The following CRIM1 variants were observed in gnomAD, a reference collection of about 807,000 sequenced individuals.
CRIM1 encodes the protein cysteine rich transmembrane BMP regulator 1, also known as cysteine-rich motor neuron 1 protein.
A neutral mutation model predicts 116.4 loss-of-function variants in CRIM1; 32 were observed. The ratio of observed to expected loss-of-function variants is 0.27; its 90% CI spans 0.21 to 0.37. The LOEUF is 0.37. Ranked by LOEUF, CRIM1 falls within the 10% of genes least tolerant of loss-of-function variation. The pLI is 1.00. For missense variants in CRIM1, 1,331 were observed against 1,354.8 expected (o/e 0.98, Z 0.28); for synonymous variants, 590 against 509.2 (o/e 1.16, Z -2.13).
intron 4 of CRIM1, among the ~76,000 whole-genome samples, chr2:36,460,623 G>A (rs553971310): frequency 3.7e-4 from 56 of 152,262 alleles, no homozygotes; most frequent in African/African-American, 1.2e-3. Context: ...TGCCTGGGGT[G>A]GCCTTTATGA....
intron 14 of CRIM1, among the ~76,000 whole-genome samples, chr2:36,539,923 G>T (rs1666831566): frequency 6.6e-6 from 1 of 152,114 alleles, no homozygotes. Context: ...CTAGTCTCAA[G>T]GTTTTTAAGC....
intron 2 of CRIM1, among the ~76,000 whole-genome samples, chr2:36,407,703 CAAAAA>C (rs10719018): frequency 1.0e-4 from 10 of 99,686 alleles, no homozygotes; most frequent in South Asian, 9.5e-4. Context: ...TTGTGCCCGT[CAAAAA>C]AAAAAAAAAA....
At chr2:36,387,457 A>G (rs553585397) in intron 1 of CRIM1, among the ~76,000 whole-genome samples, 1 of 152,312 alleles carries the variant, frequency 6.6e-6, no homozygotes, top group East Asian at 1.9e-4. Flanking sequence ...TTGCTTAATC[A>G]TGGCATGTGT....
In CRIM1 at chr2:36,550,026, T is replaced by C. The variant is rs1297419462; in HGVS notation, c.*1325T>C. The C allele has an allele frequency of 6.6e-6, 1 of 150,472 alleles. No homozygotes were observed. Among genetic ancestry groups the C allele is most frequent in the Non-Finnish European group, 1.5e-5 (1 of 67,778 alleles). 9.3% of individuals were successfully genotyped at this position (150,472 alleles called of 1,614,324 possible). On this transcript the variant is annotated 3_prime_UTR_variant, in exon 17 of 17. Coordinates refer to ENST00000280527, the MANE Select transcript of CRIM1 (RefSeq NM_016441.3). ...CCTGCAGTTTAATTGGAAAGATGTG[T>C]GTGTGAGAGTATGTATGTGTGTGTG...
At chr2:36,430,113 A>C (rs1381566365) in intron 2 of CRIM1, among the ~76,000 whole-genome samples, 4 of 152,196 alleles carry the variant, frequency 2.6e-5, no homozygotes, top group African/African-American at 9.6e-5. Flanking sequence ...CTCCGTATAC[A>C]CACTGTACTG....
intron 13 of CRIM1, among the ~76,000 whole-genome samples, chr2:36,535,432 T>C (rs1666478127): frequency 6.6e-6 from 1 of 152,208 alleles, no homozygotes; most frequent in Non-Finnish European, 1.5e-5. Context: ...TTTAGCCTAA[T>C]AACTAGTGTG....
At position 36,476,899 on chromosome 2, in the gene CRIM1, A is replaced by T; in HGVS notation, c.1002A>T (p.Pro334=). ...DVFECVNDTK[P]ACVFNNVEYY... Reference sequence around the variant, plus strand: ...TTTAACTCTTTTCAGATACAAAGCCAGCCTGCGTATTTAACAATGTGGAAT... The same window carrying T: ...TTTAACTCTTTTCAGATACAAAGCCTGCCTGCGTATTTAACAATGTGGAAT... The change falls in exon 6 of 17, where the codon CCA becomes CCT. Residue 334 remains proline (P), a synonymous_variant. Transcript: ENST00000280527. 6.2e-7 allele frequency: 1 copy of T among 1,612,216 alleles called. No homozygotes were observed.
intron 2 of CRIM1, among the ~76,000 whole-genome samples, chr2:36,429,033 C>T (rs1276206256): frequency 6.6e-6 from 1 of 152,142 alleles, no homozygotes; most frequent in Admixed American, 6.5e-5. Flanking sequence ...CTACTTTTCC[C>T]CTCTCCCACA....
intron 2 of CRIM1, among the ~76,000 whole-genome samples, chr2:36,424,422 G>A (rs949662555): frequency 1.3e-5 from 2 of 152,162 alleles, no homozygotes; most frequent in Non-Finnish European, 2.9e-5. Flanking sequence ...ATGTTGGGTG[G>A]TAGGTGGTAG....
chr2:36,375,346 T>G (rs1433062013), intron 1 of CRIM1, among the ~76,000 whole-genome samples: 1 of 152,250 alleles, frequency 6.6e-6, no homozygotes, highest in Non-Finnish European at 1.5e-5. Context: ...ACTCATATAA[T>G]GCAACTCATA....
intron 4 of CRIM1, among the ~76,000 whole-genome samples, chr2:36,446,690 CT>C (rs1427766903): frequency 1.3e-5 from 2 of 151,882 alleles, no homozygotes; most frequent in Non-Finnish European, 2.9e-5. Context: ...TCTTTTTATC[CT>C]TTTTTCTTCT....
chr2:36,502,755 C>T (rs1681088708), intron 8 of CRIM1, among the ~76,000 whole-genome samples: 1 of 152,208 alleles, frequency 6.6e-6, no homozygotes, highest in African/African-American at 2.4e-5. Context: ...CTTATGTTCA[C>T]ACCAGAGTAG....
At chr2:36,465,166 T>C (rs1226781191) in intron 5 of CRIM1, among the ~76,000 whole-genome samples, 4 of 152,184 alleles carry the variant, frequency 2.6e-5, no homozygotes, top group Non-Finnish European at 4.4e-5. Flanking sequence ...AATCAGTGGT[T>C]GGTCACTGAT....
intron 12 of CRIM1, among the ~76,000 whole-genome samples, chr2:36,518,409 T>G (rs1394082319): frequency 1.3e-5 from 2 of 152,212 alleles, no homozygotes; most frequent in Non-Finnish European, 2.9e-5. Context: ...ACCCTTGTAT[T>G]TTATTACTTC....
intron 1 of CRIM1, among the ~76,000 whole-genome samples, chr2:36,387,914 T>TA (rs989138991): frequency 1.2e-4 from 18 of 152,182 alleles, no homozygotes; most frequent in Non-Finnish European, 1.8e-4. Context: ...TCTTTGGACT[T>TA]ACTCTGTTGC....
At chr2:36,392,370 G>T (rs1671682277) in intron 1 of CRIM1, among the ~76,000 whole-genome samples, 1 of 152,070 alleles carries the variant, frequency 6.6e-6, no homozygotes. Flanking sequence ...TTCAGGCTAG[G>T]AGACTACATC....
At chr2:36,474,375 A>G (rs957550609) in intron 5 of CRIM1, among the ~76,000 whole-genome samples, 3 of 152,084 alleles carry the variant, frequency 2.0e-5, no homozygotes, top group African/African-American at 7.2e-5. Context: ...TGAATGTCAC[A>G]TCTAAGAAAC....
chr2:36,388,747 C>G (rs1671357167), intron 1 of CRIM1, among the ~76,000 whole-genome samples: 1 of 143,452 alleles, frequency 7.0e-6, no homozygotes, highest in Non-Finnish European at 1.5e-5. Context: ...CCCAATTTCT[C>G]CTGTCCTTAT....
intron 2 of CRIM1, among the ~76,000 whole-genome samples, chr2:36,427,748 C>T (rs910756422): frequency 1.3e-5 from 2 of 152,202 alleles, no homozygotes; most frequent in Non-Finnish European, 2.9e-5. Context: ...TCCTCATGGG[C>T]GCTCTCTCTG....
Sources: allele counts gnomAD v4.1 joint callset (sites outside exome capture counted in the v4.1 genomes callset), GRCh38; gene constraint gnomAD v4.1.1; transcripts MANE v1.5; gene names NCBI Gene and HGNC (gene_info 2026-07-23, HGNC 2026-07-21).